Variants in CNDP2 observed in about 807,000 individuals in gnomAD.
The protein encoded by CNDP2 is cytosolic non-specific dipeptidase.
A neutral mutation model predicts 55.0 loss-of-function variants in CNDP2; 38 were observed. The observed-to-expected ratio is 0.69, with a 90% CI of 0.53 to 0.90. The LOEUF is 0.90. CNDP2 is among the 40% of genes least tolerant of loss of function. The probability of loss-of-function intolerance (pLI) is 0.00; values close to 1 mark genes in which losing one functional copy is unlikely to be tolerated. For missense variants in CNDP2, 607 were observed against 621.7 expected (o/e 0.98, Z 0.25); for synonymous variants, 241 against 260.2 (o/e 0.93, Z 0.71).
Position 74,521,014 on chromosome 18 carries a change from G to GCT in CNDP2, c.*946_*947insCT, listed in dbSNP as rs1980015866. On this transcript the variant is annotated 3_prime_UTR_variant, in exon 12 of 12. Coordinates refer to ENST00000324262, the MANE Select transcript of CNDP2 (RefSeq NM_018235.3). ...TTTTCTCAAGACCTTCACCATTACT[G>GCT]GCATTTTCCTGTCTTCTCTTTAGTA... The GCT allele has an allele frequency of 6.6e-6, 1 of 152,128 alleles. No individual in the cohort carries two copies. 9.4% of individuals were successfully genotyped at this position (152,128 alleles called of 1,614,324 possible).
Position 74,518,959 on chromosome 18 carries a change from T to C in CNDP2, c.1221T>C (p.Val407=). 1 of 1,614,184 alleles carries C rather than the reference T, an allele frequency of 6.2e-7. No individual in the cohort carries two copies. The highest frequency in any genetic ancestry group is 8.5e-7 in the Non-Finnish European group (1 of 1,180,034). The part of the protein sequence containing the change: ...GRRAMKTVFG[V]EPDLTREGGS... ...TTCATTTCCCCCCAGTTTTTGGTGT[T>C]GAGCCAGACTTGACCAGGGAAGGCG... Residue 407 remains valine, a synonymous_variant, in exon 11 of 12, where the codon GTT becomes GTC. Transcript: ENST00000324262.
rs576370282 is a variant in CNDP2 at position 74,513,843 on chromosome 18, A to G, written c.903+124A>G. ...AGGGAAGAGCTGGAATGTCCGATGC[A>G]CATGAGTCACTCAGAAAGCAGACTG... On this transcript the variant is annotated intron_variant, in intron 8 of 11. Transcript: ENST00000324262. The G allele has an allele frequency of 1.4e-5, 13 of 958,584 alleles. No homozygotes were observed. In the East Asian group the frequency reaches 3.5e-4, roughly 26 times the overall value. The allele number at this position is 958,584 out of a possible 1,614,324, so 59.4% of individuals were successfully genotyped here.
In CNDP2 at chr18:74,520,115, C is replaced by T; in HGVS notation, c.*47C>T. On this transcript the variant is annotated 3_prime_UTR_variant, in exon 12 of 12. Coordinates refer to ENST00000324262, the MANE Select transcript of CNDP2 (RefSeq NM_018235.3). ...CTCCAATGAGAAGGAATCCTGCCCT[C>T]ACCTCACCCTTTTCCAACTTGCCCA... is the stretch of plus-strand genomic sequence containing the variant. 6.3e-7 allele frequency: 1 copy of T among 1,585,344 alleles called. No individual in the cohort carries two copies. Among genetic ancestry groups the T allele is most frequent in the Non-Finnish European group, 8.7e-7 (1 of 1,154,658 alleles).
At position 74,502,579 on chromosome 18, in the gene CNDP2, A is replaced by G. The variant is rs184100841; in HGVS notation, c.204+1107A>G. 3.7e-3 allele frequency among the ~76,000 whole-genome samples: 568 copies of G among 152,000 alleles called. 5 individuals are homozygous for G. Among genetic ancestry groups the G allele is most frequent in the Non-Finnish European group, 5.7e-3 (387 of 68,012 alleles). On this transcript the variant is annotated intron_variant, in intron 3 of 11. Coordinates refer to ENST00000324262, the MANE Select transcript of CNDP2 (RefSeq NM_018235.3). ...TGGCATCCCAAATTGTCACGCCACC[A>G]TACCCGGCCTCTTACTGTATGTTAT...
chr18:74,509,037 G>A (rs1344592822), intron 5 of CNDP2, 109 bp downstream of exon 5: 15 of 885,126 alleles, frequency 1.7e-5, no homozygotes, highest in African/African-American at 3.4e-5. Flanking sequence ...GAAAAGATAA[G>A]ACAAGCGTCC....
In CNDP2 at chr18:74,514,313, GC is replaced by G. The variant is rs529716358; in HGVS notation, c.903+595del. Reference sequence around the variant, plus strand: ...TGTGGTATGGATGTAAGTTCCGCAGGCTATAGGTTTATGTGGTATGGATGTA... The same window carrying G: ...TGTGGTATGGATGTAAGTTCCGCAGGTATAGGTTTATGTGGTATGGATGTA... On this transcript the variant is annotated intron_variant, in intron 8 of 11. Coordinates refer to ENST00000324262, the MANE Select transcript of CNDP2 (RefSeq NM_018235.3). Among the ~76,000 whole-genome samples, 511 of 152,078 alleles carry G rather than the reference GC, an allele frequency of 3.4e-3. 2 individuals are homozygous for G. The highest frequency in any genetic ancestry group is 5.3e-4 in the Non-Finnish European group (36 of 67,990).
At chr18:74,499,749 C>A (rs528764679) in intron 1 of CNDP2, 133 bp from the exon 2 acceptor site, 1 of 441,026 alleles carries the variant, frequency 2.3e-6, no homozygotes, top group Non-Finnish European at 4.0e-6. Context: ...TAGCCCCAGC[C>A]TCTAACTGGT....
Position 74,499,941 on chromosome 18 carries a change from T to G in CNDP2, c.-33T>G. On this transcript the variant is annotated 5_prime_UTR_variant, in exon 2 of 12. Transcript: ENST00000324262. ...CCAGTTGCTCTTCCTTCCAAGAACC[T>G]TCGAGATCTGCGGTCTGGGGTCTGG... 2 of 1,609,958 alleles carry G rather than the reference T, an allele frequency of 1.2e-6. No individual in the cohort carries two copies. The highest frequency in any genetic ancestry group is 1.1e-5 in the South Asian group (1 of 90,952).
At chr18:74,496,622 G>A (rs1978428722) in intron 1 of CNDP2, among the ~76,000 whole-genome samples, 191 bp downstream of exon 1, 1 of 152,166 alleles carries the variant, frequency 6.6e-6, no homozygotes, top group South Asian at 2.1e-4. Flanking sequence ...GCGGAGGCCC[G>A]TGACGGCCAT....
chr18:74,515,147 C>T (rs532622660), intron 8 of CNDP2, among the ~76,000 whole-genome samples: 5 of 152,302 alleles, frequency 3.3e-5, no homozygotes, highest in South Asian at 4.1e-4. Context: ...ATGGCCTGGG[C>T]GCTGCTGTGG....
chr18:74,512,270 T>G (rs1198073657), intron 6 of CNDP2, among the ~76,000 whole-genome samples, 178 bp from the exon 7 acceptor site: 1 of 152,222 alleles, frequency 6.6e-6, no homozygotes, highest in African/African-American at 2.4e-5. Context: ...AGCTGGTATG[T>G]TTTTGTTCCT....
rs766895085 is a variant in CNDP2 at position 74,508,909 on chromosome 18, C to T, written c.437C>T (p.Ala146Val). 13 of 1,613,896 alleles carry T rather than the reference C, an allele frequency of 8.1e-6. No homozygotes were observed. Among genetic ancestry groups the T allele is most frequent in the African/African-American group, 2.7e-5 (2 of 74,886 alleles). The part of the protein sequence containing the change: ...PVAGWINALE[A>V]YQKTGQEIPV... ...GCCGGCTGGATAAACGCCCTGGAAG[C>T]GTATCAGAAAACAGGCCAGGTATGC... is the stretch of plus-strand genomic sequence containing the variant. The change falls in exon 5 of 12, where the codon GCG becomes GTG. Residue 146 changes from alanine to valine, a missense_variant. Transcript: ENST00000324262.
chr18:74,521,890 G>C lies in CNDP2; in HGVS notation c.*1822G>C, dbSNP rs1980067966. ...GAAAACAGTAACTTCACAGTGGAGA[G>C]ACCTGGCAGGCACCACCCTCAGATC... On this transcript the variant is annotated 3_prime_UTR_variant, in exon 12 of 12. Coordinates refer to ENST00000324262, the MANE Select transcript of CNDP2 (RefSeq NM_018235.3). The C allele has an allele frequency of 6.6e-6, 1 of 152,308 alleles. No homozygotes were observed. Among genetic ancestry groups the C allele is most frequent in the Non-Finnish European group, 1.5e-5 (1 of 68,092 alleles). The allele number at this position is 152,308 out of a possible 1,614,324, so 9.4% of individuals were successfully genotyped here.
At chr18:74,516,750 G>C (rs1427670194) in intron 9 of CNDP2, 1 of 192,342 alleles carries the variant, frequency 5.2e-6, no homozygotes, top group Non-Finnish European at 1.1e-5. Flanking sequence ...GGTCAGCCCA[G>C]CTTCTGACTG....
chr18:74,510,137 C>T (rs373138785), intron 5 of CNDP2, among the ~76,000 whole-genome samples: 11 of 152,146 alleles, frequency 7.2e-5, no homozygotes, highest in Admixed American at 2.6e-4. Flanking sequence ...TTTCATGTGA[C>T]GGGCAGAAGA....
At chr18:74,515,701 C>G (rs917363705) in intron 8 of CNDP2, among the ~76,000 whole-genome samples, 1 of 152,182 alleles carries the variant, frequency 6.6e-6, no homozygotes, top group Non-Finnish European at 1.5e-5. Flanking sequence ...GAGATGAAGT[C>G]TCTCCTGGTC....
intron 5 of CNDP2, among the ~76,000 whole-genome samples, chr18:74,510,145 AGAG>A (rs1979258803): frequency 6.6e-6 from 1 of 152,192 alleles, no homozygotes; most frequent in Non-Finnish European, 1.5e-5. Context: ...GACGGGCAGA[AGAG>A]GAGGAGGAGG....
intron 10 of CNDP2, 112 bp downstream of exon 10, chr18:74,518,752 G>A: frequency 2.7e-6 from 4 of 1,489,364 alleles, no homozygotes; most frequent in Non-Finnish European, 3.7e-6. Flanking sequence ...TGTATCGTGG[G>A]GGCGTGTAGT....
chr18:74,502,085 C>T (rs184953493), intron 3 of CNDP2, among the ~76,000 whole-genome samples: 34 of 152,220 alleles, frequency 2.2e-4, no homozygotes, highest in African/African-American at 7.5e-4. Flanking sequence ...GGGGTTTTGC[C>T]ATGTTGGCCA....
Sources: allele counts gnomAD v4.1 joint callset (sites outside exome capture counted in the v4.1 genomes callset), GRCh38; gene constraint gnomAD v4.1.1; transcripts MANE v1.5; gene names NCBI Gene and HGNC (gene_info 2026-07-23, HGNC 2026-07-21).